The following ADGRF5 variants were observed in gnomAD, a reference collection of about 807,000 sequenced individuals.
ADGRF5 encodes G-protein coupled receptor 116.
In ADGRF5, 75 loss-of-function variants were observed where a neutral mutation model predicts 132.3. That is an observed-to-expected ratio of 0.57 (90% confidence interval 0.47 to 0.69). The LOEUF (loss-of-function observed/expected upper bound fraction) is 0.69, where lower values mean the gene tolerates loss of function less well. ADGRF5 is among the 30% of genes least tolerant of loss of function. ADGRF5 has a pLI of 0.00. For missense variants in ADGRF5, 1,516 were observed against 1,630.6 expected, an observed-to-expected ratio of 0.93 and a Z score of 1.21; for synonymous variants, 629 against 597.6, an observed-to-expected ratio of 1.05 and a Z score of -0.77.
intron 10 of ADGRF5, among the ~76,000 whole-genome samples, chr6:46,876,875 G>A (rs937562830): frequency 6.7e-6 from 1 of 149,168 alleles, no homozygotes; most frequent in African/African-American, 2.5e-5. Context: ...AAAGTGCTGG[G>A]ATTACAGGCG....
rs190451386 is a variant in ADGRF5, at chr6:46,866,546, T to C, written c.1834+379A>G. ...TTTTTTGGCACTTGGTTGTTTCTCA[T>C]ACTTTCTTACATGCTCAATTATGCA... On this transcript the variant is annotated intron_variant, in intron 13 of 20. Coordinates refer to ENST00000283296, the MANE Select transcript of ADGRF5 (RefSeq NM_001098518.2). 2.0e-5 allele frequency among the ~76,000 whole-genome samples: 3 copies of C among 152,284 alleles called. No individual in the cohort carries two copies. In the East Asian group the frequency reaches 5.8e-4, roughly 29 times the overall value.
At chr6:46,933,669 G>A (rs1777672971) in intron 1 of ADGRF5, among the ~76,000 whole-genome samples, 1 of 152,300 alleles carries the variant, frequency 6.6e-6, no homozygotes, top group Non-Finnish European at 1.5e-5. Flanking sequence ...AATTCAAAAT[G>A]GTCTAGCATT....
intron 1 of ADGRF5, among the ~76,000 whole-genome samples, chr6:46,929,556 T>G (rs935489466): frequency 9.4e-5 from 14 of 148,308 alleles, no homozygotes; most frequent in Non-Finnish European, 1.9e-4. Flanking sequence ...AAAAAAGATA[T>G]CCCTTTCTCT....
chr6:46,858,479 T>C lies in ADGRF5; in HGVS notation c.3424A>G (p.Ile1142Val), dbSNP rs878859555. Reference protein sequence around the residue: ...FCLGYGCPLAISVITLGATQP... With the variant: ...FCLGYGCPLAVSVITLGATQP... ...GTGGCTCCCAGCGTGATGACCGAGA[T>C]GGCAAGTGGGCAGCCATAGCCAAGA... Residue 1142 changes from isoleucine to valine, a missense_variant, in exon 17 of 21, where the codon ATC becomes GTC. Coordinates refer to ENST00000283296, the MANE Select transcript of ADGRF5 (RefSeq NM_001098518.2). The C allele has an allele frequency of 6.2e-7, 1 of 1,613,630 alleles. No individual in the cohort carries two copies. Among genetic ancestry groups the C allele is most frequent in the African/African-American group, 1.3e-5 (1 of 74,836 alleles).
chr6:46,870,801 T>G (rs1377858494), intron 11 of ADGRF5: 1 of 429,320 alleles, frequency 2.3e-6, no homozygotes. Flanking sequence ...TTAAGTAATT[T>G]GGAGAATGAT....
rs1405952645 is a variant in ADGRF5, at chr6:46,888,475, T to C, written c.188A>G (p.Tyr63Cys). 6.2e-7 allele frequency: 1 copy of C among 1,613,366 alleles called. No homozygotes were observed. Among genetic ancestry groups the C allele is most frequent in the Admixed American group, 1.7e-5 (1 of 59,994 alleles). ...VATKSPTAEE[Y>C]TVNIEISFEN... ...AAAACTGATCTCAATATTAACAGTG[T>C]ATTCTTCAGCCGTAGGACTTTTTGT... The change falls in exon 4 of 21, where the codon TAC becomes TGC. Residue 63 changes from tyrosine (Y) to cysteine (C), a missense_variant. Around this residue, in one of 2 missense-constraint regions of ADGRF5, gnomAD observed 945 missense variants for 929.4 expected, o/e 1.02. Coordinates refer to ENST00000283296, the MANE Select transcript of ADGRF5 (RefSeq NM_001098518.2).
intron 1 of ADGRF5, among the ~76,000 whole-genome samples, chr6:46,943,882 C>T (rs1233431714): frequency 6.6e-6 from 1 of 152,140 alleles, no homozygotes; most frequent in Non-Finnish European, 1.5e-5. Flanking sequence ...AAACTGTAGT[C>T]CAGACCAAGG....
rs146446264 is a variant in ADGRF5 at position 46,939,735 on chromosome 6, G to A, written c.-25+14999C>T. Among the ~76,000 whole-genome samples, 783 of 152,246 alleles carry A rather than the reference G, an allele frequency of 5.1e-3. 4 individuals carry two copies. The highest frequency in any genetic ancestry group is 0.018 in the African/African-American group (734 of 41,552). ...TGGTATACTAAAGGTGAAAATTTAC[G>A]TAGTGCTGAAAAATCTTCAAGCATG... is the stretch of plus-strand genomic sequence containing the variant. On this transcript the variant is annotated intron_variant, in intron 1 of 20. Transcript: ENST00000265417.
chr6:46,910,988 G>A (rs1043299883), intron 1 of ADGRF5, among the ~76,000 whole-genome samples: 1 of 152,098 alleles, frequency 6.6e-6, no homozygotes, highest in Non-Finnish European at 1.5e-5. Context: ...GCTCACTCTG[G>A]TTAACTTCTG....
At chr6:46,911,230 G>C (rs1775920784) in intron 1 of ADGRF5, among the ~76,000 whole-genome samples, 1 of 152,132 alleles carries the variant, frequency 6.6e-6, no homozygotes, top group East Asian at 1.9e-4. Context: ...GATCCTCAAG[G>C]CTCTCCATAA....
intron 1 of ADGRF5, among the ~76,000 whole-genome samples, chr6:46,913,133 G>A (rs1581983270): frequency 1.3e-5 from 2 of 152,170 alleles, no homozygotes; most frequent in Non-Finnish European, 2.9e-5. Context: ...AGACAGGAAT[G>A]AAACCAGAGA....
At position 46,906,642 on chromosome 6, in the gene ADGRF5, A is replaced by T; in HGVS notation, c.102+19T>A. On this transcript the variant is annotated intron_variant, in intron 2 of 20. Transcript: ENST00000283296. ...AAAATGTGACAAGAAAAATTATAGCAGATATGGATATAACTCACCAAAGGA... is the reference window on the plus strand; with the variant it reads ...AAAATGTGACAAGAAAAATTATAGCTGATATGGATATAACTCACCAAAGGA... The T allele has an allele frequency of 8.6e-7, 1 of 1,157,244 alleles. No individual in the cohort carries two copies. Among genetic ancestry groups the T allele is most frequent in the Non-Finnish European group, 1.3e-6 (1 of 779,142 alleles). The allele number at this position is 1,157,244 out of a possible 1,614,324, so 71.7% of individuals were successfully genotyped here. A position where few individuals can be genotyped will look rare whatever the true frequency, so the allele number is the denominator to read the frequency against.
At chr6:46,900,112 A>G in intron 2 of ADGRF5, 29 bp from the exon 3 acceptor site, 1 of 1,567,302 alleles carries the variant, frequency 6.4e-7, no homozygotes. Flanking sequence ...AAAGTTGTCA[A>G]TTAACGTTAG....
chr6:46,900,360 C>G (rs1298820747), intron 2 of ADGRF5, among the ~76,000 whole-genome samples: 1 of 152,064 alleles, frequency 6.6e-6, no homozygotes, highest in African/African-American at 2.4e-5. Context: ...TCTCAGAGTT[C>G]CTGCAGTTTG....
intron 2 of ADGRF5, among the ~76,000 whole-genome samples, chr6:46,904,612 T>A (rs986587711): frequency 3.5e-4 from 53 of 152,190 alleles, no homozygotes; most frequent in Non-Finnish European, 1.6e-4. Flanking sequence ...GAAAAAATTA[T>A]GAAAATTTAT....
In ADGRF5 at chr6:46,880,058, G is replaced by A; in HGVS notation, c.815-19C>T. The A allele has an allele frequency of 6.4e-7, 1 of 1,559,364 alleles. No homozygotes were observed. On this transcript the variant is annotated intron_variant, in intron 8 of 20. Transcript: ENST00000283296. The stretch of plus-strand genomic sequence containing the variant: ...CTTTCATCTGGAAACCCAAAGAAAA[G>A]TTAATAAGATCCCAAAGCAAATAAA...
At chr6:46,916,735 T>C (rs1181730275) in intron 1 of ADGRF5, among the ~76,000 whole-genome samples, 2 of 152,236 alleles carry the variant, frequency 1.3e-5, no homozygotes, top group Non-Finnish European at 2.9e-5. Context: ...CTTTAAATGT[T>C]TGCAAATGCC....
At chr6:46,904,377 G>T (rs146686715) in intron 2 of ADGRF5, among the ~76,000 whole-genome samples, 2,643 of 152,294 alleles carry the variant, frequency 0.017, 36 homozygotes, top group South Asian at 0.044. Flanking sequence ...AAAAAGAGGG[G>T]AAGTGCTGAC....
Position 46,863,086 on chromosome 6 carries a change from G to A in ADGRF5, c.2001C>T (p.Ile667=). ...CACCTATTACGGGATCCTGGCATGT[G>A]ATGTTTTCCCCTGTGTTGGAAACAT... ...MKLNLVPGEN[I]TCQDPVIGVG... The change falls in exon 15 of 21, where the codon ATC becomes ATT. Residue 667 remains isoleucine (I), a synonymous_variant. Coordinates refer to ENST00000283296, the MANE Select transcript of ADGRF5 (RefSeq NM_001098518.2). The A allele has an allele frequency of 6.2e-7, 1 of 1,612,758 alleles. No individual in the cohort carries two copies. The highest frequency in any genetic ancestry group is 8.5e-7 in the Non-Finnish European group (1 of 1,178,762).
Sources: gnomAD v4.1 joint callset for allele counts (sites outside exome capture counted in the v4.1 genomes callset) on GRCh38, gnomAD v4.1.1 for gene constraint, gnomAD v4.1.1 regional missense constraint, MANE v1.5 for transcripts, NCBI Gene and HGNC (gene_info 2026-07-23, HGNC 2026-07-21) for gene names.